Variants in NRCAM observed in about 807,000 individuals in gnomAD.
NRCAM encodes neuronal cell adhesion molecule, also known as NgCAM-related cell adhesion molecule.
In NRCAM, 83 loss-of-function variants were observed where a neutral mutation model predicts 156.5. The ratio of observed to expected loss-of-function variants is 0.53; its 90% CI spans 0.44 to 0.64. The LOEUF is 0.64. Ranked by LOEUF, NRCAM falls within the 30% of genes least tolerant of loss-of-function variation. The pLI is 0.00. For missense variants in NRCAM, 1,417 were observed against 1,597.3 expected (o/e 0.89, Z 1.92); for synonymous variants, 538 against 563.9 (o/e 0.95, Z 0.65).
At chr7:108,304,648 T>C (rs927605283) in intron 3 of NRCAM, among the ~76,000 whole-genome samples, 3 of 152,016 alleles carry the variant, frequency 2.0e-5, no homozygotes, top group African/African-American at 7.3e-5. Flanking sequence ...CAGAATAAAC[T>C]GTGATTTATT....
intron 3 of NRCAM, among the ~76,000 whole-genome samples, chr7:108,282,811 C>T (rs1035517332): frequency 3.3e-5 from 5 of 152,164 alleles, no homozygotes; most frequent in Non-Finnish European, 7.3e-5. Flanking sequence ...TAGTAAAAGA[C>T]ACGACCTTCA....
At chr7:108,316,585 C>T (rs560602097) in intron 2 of NRCAM, among the ~76,000 whole-genome samples, 2 of 151,940 alleles carry the variant, frequency 1.3e-5, no homozygotes, top group South Asian at 4.2e-4. Context: ...ACCATCCTGT[C>T]TAACACGGTG....
chr7:108,192,189 A>C (rs1381958458), intron 17 of NRCAM, among the ~76,000 whole-genome samples: 1 of 152,110 alleles, frequency 6.6e-6, no homozygotes, highest in Non-Finnish European at 1.5e-5. Context: ...AGGGTGTGGT[A>C]GGAGTTTCCT....
chr7:108,226,398 T>TA lies in NRCAM; in HGVS notation c.551-21dup. On this transcript the variant is annotated intron_variant, in intron 8 of 32. Transcript: ENST00000379028. ...GAAAGGCTGGAGAAAGGCAGAGAGA[T>TA]ATCAAGATTATTCCATCATAAAGTG... 4 of 1,591,394 alleles carry TA rather than the reference T, an allele frequency of 2.5e-6. No homozygotes were observed. In the Admixed American group the frequency reaches 6.8e-5, roughly 27 times the overall value.
At position 108,338,133 on chromosome 7, in the gene NRCAM, C is replaced by T. The variant is rs1447766187; in HGVS notation, c.-173-25402G>A. ...GACTAGAGGCAGAAAGCTGTTGTCCCAAATTCCCGGCAGTAGCCGGTTGAG... is the reference window on the plus strand; with the variant it reads ...GACTAGAGGCAGAAAGCTGTTGTCCTAAATTCCCGGCAGTAGCCGGTTGAG... On this transcript the variant is annotated intron_variant, in intron 2 of 32. Transcript: ENST00000379028. Among the ~76,000 whole-genome samples, 4 of 152,186 alleles carry T rather than the reference C, an allele frequency of 2.6e-5. No homozygotes were observed. The East Asian group carries it at 7.7e-4, about 29-fold the overall frequency.
At position 108,440,647 on chromosome 7, in the gene NRCAM, G is replaced by C. The variant is rs569132629; in HGVS notation, c.-332+15596C>G. 2.8e-4 allele frequency among the ~76,000 whole-genome samples: 43 copies of C among 152,300 alleles called. 1 individual carries two copies. The highest frequency in any genetic ancestry group is 1.0e-3 in the African/African-American group (42 of 41,568). The stretch of plus-strand genomic sequence containing the variant: ...TAAAGGTAACTCTACTGATTGCTCT[G>C]CTAGGGAGTGGCTCCATTTTGAGCT... On this transcript the variant is annotated intron_variant, in intron 1 of 32. Transcript: ENST00000379028.
At chr7:108,348,869 C>T (rs1240200035) in intron 2 of NRCAM, among the ~76,000 whole-genome samples, 2 of 147,084 alleles carry the variant, frequency 1.4e-5, no homozygotes, top group Non-Finnish European at 3.0e-5. Flanking sequence ...TGCCACTGCA[C>T]TCTAGCCTGG....
At chr7:108,174,037 G>A (rs183931723) in intron 28 of NRCAM, among the ~76,000 whole-genome samples, 168 of 152,220 alleles carry the variant, frequency 1.1e-3, no homozygotes, top group Non-Finnish European at 1.4e-3. Flanking sequence ...CAGGCTTTTA[G>A]TGAAATGCTC....
intron 2 of NRCAM, among the ~76,000 whole-genome samples, chr7:108,349,731 G>A (rs772763803): frequency 2.6e-5 from 4 of 152,038 alleles, no homozygotes; most frequent in Non-Finnish European, 4.4e-5. Flanking sequence ...ACAATATGAC[G>A]TTTCTTACTG....
chr7:108,324,547 T>C (rs779032203), intron 2 of NRCAM, among the ~76,000 whole-genome samples: 13 of 152,254 alleles, frequency 8.5e-5, no homozygotes, highest in Middle Eastern at 6.8e-3. Context: ...CAGGATTCTA[T>C]TGAAGTTCTC....
intron 26 of NRCAM, among the ~76,000 whole-genome samples, chr7:108,177,558 G>C (rs889392160): frequency 6.6e-6 from 1 of 151,740 alleles, no homozygotes; most frequent in South Asian, 2.1e-4. Context: ...GGGAGATGGA[G>C]CTTGCAGTGA....
chr7:108,167,188 G>C (rs1247480711), intron 29 of NRCAM, 115 bp from the exon 30 acceptor site: 7 of 696,800 alleles, frequency 1.0e-5, no homozygotes, highest in African/African-American at 7.2e-5. Context: ...AGGATGCTTA[G>C]GTTTACCATT....
In NRCAM at chr7:108,181,737, GCCCCAC is replaced by G. The variant is rs906646744; in HGVS notation, c.2646+79_2646+84del. ...GTTCACAAAGCAATGAAACAAATAA[GCCCCAC>G]CTCCTGTGGTATGCATGACAAGTGG... On this transcript the variant is annotated intron_variant, in intron 24 of 32. Coordinates refer to ENST00000379028, the MANE Select transcript of NRCAM (RefSeq NM_001037132.4). The G allele has an allele frequency of 7.6e-6, 6 of 793,650 alleles. No homozygotes were observed. In the African/African-American group the frequency reaches 1.0e-4, roughly 14 times the overall value. 49.2% of individuals were successfully genotyped at this position (793,650 alleles called of 1,614,324 possible). A position where few individuals can be genotyped will look rare whatever the true frequency, so the allele number is the denominator to read the frequency against.
chr7:108,344,453 T>C (rs2099329403), intron 2 of NRCAM, among the ~76,000 whole-genome samples: 1 of 151,990 alleles, frequency 6.6e-6, no homozygotes, highest in Non-Finnish European at 1.5e-5. Flanking sequence ...TCCTTTTGCA[T>C]GGGAGCTCTG....
chr7:108,171,120 TCA>T (rs1191334594), intron 28 of NRCAM, among the ~76,000 whole-genome samples: 2 of 152,190 alleles, frequency 1.3e-5, no homozygotes, highest in African/African-American at 4.8e-5. Context: ...ACCTTCTCAC[TCA>T]CAGAGCACCT....
At chr7:108,151,362 G>T (rs752557391) in intron 32 of NRCAM, among the ~76,000 whole-genome samples, 4 of 150,536 alleles carry the variant, frequency 2.7e-5, no homozygotes, top group South Asian at 2.2e-4. Flanking sequence ...ACTGGCTGCA[G>T]TATTTAATCT....
chr7:108,234,085 A>G (rs1269631), intron 6 of NRCAM, among the ~76,000 whole-genome samples: 125,658 of 152,222 alleles, frequency 0.83, 52,029 homozygotes, highest in East Asian at 0.99. Flanking sequence ...AACTGTTACA[A>G]AGACAGCAGA....
At chr7:108,265,916 A>C (rs565896756) in intron 3 of NRCAM, among the ~76,000 whole-genome samples, 2 of 152,372 alleles carry the variant, frequency 1.3e-5, no homozygotes, top group African/African-American at 4.8e-5. Context: ...GCTGAAAAAG[A>C]AAATTGGTGA....
chr7:108,245,969 T>A (rs1269640), intron 3 of NRCAM, among the ~76,000 whole-genome samples: 61,345 of 152,096 alleles, frequency 0.4, 14,498 homozygotes, highest in East Asian at 0.83. Context: ...AGCTCATGTG[T>A]GTGAGACTAA....
Sources: allele counts gnomAD v4.1 joint callset (sites outside exome capture counted in the v4.1 genomes callset), GRCh38; gene constraint gnomAD v4.1.1; transcripts MANE v1.5; gene names NCBI Gene and HGNC (gene_info 2026-07-23, HGNC 2026-07-21).